The following KANSL3 variants were observed in gnomAD, a reference collection of about 807,000 sequenced individuals.
The protein encoded by KANSL3 is KAT8 regulatory NSL complex subunit 3.
KANSL3 carries 16 observed loss-of-function variants against 89.2 expected under a neutral mutation model. The ratio of observed to expected loss-of-function variants is 0.18; its 90% CI spans 0.12 to 0.27. The LOEUF (loss-of-function observed/expected upper bound fraction) is 0.27, where lower values mean the gene tolerates loss of function less well. KANSL3 is among the 10% of genes least tolerant of loss of function. The pLI is 1.00. For missense variants in KANSL3, 879 were observed against 1,110.6 expected, an observed-to-expected ratio of 0.79 and a Z score of 2.96; for synonymous variants, 385 against 419.7, an observed-to-expected ratio of 0.92 and a Z score of 1.01.
intron 5 of KANSL3, among the ~76,000 whole-genome samples, chr2:96,617,664 G>C (rs1458810935): frequency 6.6e-6 from 1 of 151,732 alleles, no homozygotes; most frequent in Non-Finnish European, 1.5e-5. Flanking sequence ...AATTCAAGAC[G>C]AGCCTATAGC....
chr2:96,581,244 TG>T, the KANSL3 span, among the ~76,000 whole-genome samples: 1 of 152,152 alleles, frequency 6.6e-6, no homozygotes, highest in East Asian at 1.9e-4. Context: ...ACCAACATGG[TG>T]AAACCCCATC....
At chr2:96,612,234 T>C in intron 9 of KANSL3, 48 bp downstream of exon 9, 1 of 1,278,612 alleles carries the variant, frequency 7.8e-7, no homozygotes. Context: ...CTATGATTAG[T>C]GGTATTCCAT....
chr2:96,601,141 G>T, intron 20 of KANSL3: 1 of 271,740 alleles, frequency 3.7e-6, no homozygotes, highest in Non-Finnish European at 5.6e-6. Context: ...GGTGGCGGGC[G>T]CCTGTAATCC....
At chr2:96,605,266 T>C in intron 15 of KANSL3, 54 bp downstream of exon 15, 1 of 1,477,776 alleles carries the variant, frequency 6.8e-7, no homozygotes, top group Non-Finnish European at 9.2e-7. Flanking sequence ...CAAAGGGCAA[T>C]GCTGTGTACC....
chr2:96,586,738 C>T, the KANSL3 span, among the ~76,000 whole-genome samples: 1 of 152,200 alleles, frequency 6.6e-6, no homozygotes, highest in Non-Finnish European at 1.5e-5. Flanking sequence ...GCAATCTTCC[C>T]GAGTAGCCAG....
At chr2:96,591,878 C>T (rs916570218), downstream of KANSL3, among the ~76,000 whole-genome samples, 7 of 152,166 alleles carry the variant, frequency 4.6e-5, no homozygotes, top group Non-Finnish European at 1.0e-4. Context: ...CCGTGAGGCT[C>T]CTTGTCTATA....
At position 96,609,538 on chromosome 2, in the gene KANSL3, T is replaced by G; in HGVS notation, c.1344A>C (p.Ser448=). 1 of 1,613,912 alleles carries G rather than the reference T, an allele frequency of 6.2e-7. No individual in the cohort carries two copies. The highest frequency in any genetic ancestry group is 8.5e-7 in the Non-Finnish European group (1 of 1,179,796). ...NLRISKAKKK[S]EGLTQSMVDR... is the part of the protein sequence containing the mutation. ...CCACCATGCTCTGAGTCAACCCTTCTGATTTCTTCTTTGCTTTGCTTATTC... is the reference window on the plus strand; with the variant it reads ...CCACCATGCTCTGAGTCAACCCTTCGGATTTCTTCTTTGCTTTGCTTATTC... Residue 448 remains serine (S), a synonymous_variant, in exon 12 of 21, where the codon TCA becomes TCC. Transcript: ENST00000431828.
At chr2:96,634,830 C>T (rs2074023430) in intron 2 of KANSL3, among the ~76,000 whole-genome samples, 1 of 152,198 alleles carries the variant, frequency 6.6e-6, no homozygotes, top group African/African-American at 2.4e-5. Flanking sequence ...TAAAAGAGAA[C>T]TCTTGATTTC....
At chr2:96,625,124 C>T (rs2072059799) in intron 3 of KANSL3, among the ~76,000 whole-genome samples, 1 of 152,116 alleles carries the variant, frequency 6.6e-6, no homozygotes. Context: ...AGAGGAGAAT[C>T]GCCTGAACCC....
chr2:96,609,629 C>G (rs1268529305), intron 11 of KANSL3, 67 bp from the exon 12 acceptor site: 36 of 1,417,044 alleles, frequency 2.5e-5, no homozygotes, highest in Admixed American at 1.2e-4. Flanking sequence ...AAAATAAGAA[C>G]GTATTTCTTT....
the KANSL3 span, among the ~76,000 whole-genome samples, chr2:96,583,402 G>A: frequency 2.0e-5 from 3 of 152,166 alleles, no homozygotes; most frequent in East Asian, 1.9e-4. Flanking sequence ...ATTTCCCCCC[G>A]ACGGAAAAAG....
rs1573431217 is a variant in KANSL3, at chr2:96,612,126, T to C, written c.1086+156A>G. The C allele has an allele frequency of 8.0e-6, 5 of 621,452 alleles. No homozygotes were observed. The East Asian group carries it at 1.1e-4, about 14-fold the overall frequency. 38.5% of individuals were successfully genotyped at this position (621,452 alleles called of 1,614,324 possible). On this transcript the variant is annotated intron_variant, in intron 9 of 20. Transcript: ENST00000431828. ...AAAGTTTTCCAAAATAAATTAAAAATTGTTTTAATAAAATTTGTCTTCTAC... is the reference window on the plus strand; with the variant it reads ...AAAGTTTTCCAAAATAAATTAAAAACTGTTTTAATAAAATTTGTCTTCTAC...
chr2:96,587,926 G>A, the KANSL3 span, among the ~76,000 whole-genome samples: 1 of 152,090 alleles, frequency 6.6e-6, no homozygotes, highest in Non-Finnish European at 1.5e-5. Context: ...GAAAGAATCC[G>A]TGAACTTGAA....
chr2:96,612,753 T>C (rs1028701671), intron 7 of KANSL3, 65 bp downstream of exon 7: 49 of 1,356,766 alleles, frequency 3.6e-5, no homozygotes, highest in Non-Finnish European at 4.7e-5. Flanking sequence ...CCACATATTC[T>C]TCTCCTCAAT....
chr2:96,632,830 G>A (rs2073635822), intron 2 of KANSL3, among the ~76,000 whole-genome samples: 1 of 151,780 alleles, frequency 6.6e-6, no homozygotes, highest in South Asian at 2.1e-4. Flanking sequence ...GCCAGCCATG[G>A]TAGCAGGCAT....
At chr2:96,631,233 G>T in intron 3 of KANSL3, 79 bp downstream of exon 3, 1 of 1,015,004 alleles carries the variant, frequency 9.9e-7, no homozygotes. Context: ...ATGAAATAAG[G>T]TCCTAATAAG....
At chr2:96,586,411 A>C in the KANSL3 span, among the ~76,000 whole-genome samples, 2 of 152,142 alleles carry the variant, frequency 1.3e-5, no homozygotes, top group Non-Finnish European at 2.9e-5. Flanking sequence ...CAACTACTGG[A>C]ATCAAATTTA....
chr2:96,600,063 T>C (rs1201080050), intron 20 of KANSL3, among the ~76,000 whole-genome samples: 3 of 152,174 alleles, frequency 2.0e-5, no homozygotes, highest in Non-Finnish European at 4.4e-5. Context: ...CCCAGCTATC[T>C]ACCTAACAGA....
intron 17 of KANSL3, chr2:96,603,575 TGC>T (rs1195172232): frequency 1.3e-5 from 2 of 152,608 alleles, no homozygotes; most frequent in Non-Finnish European, 2.9e-5. Context: ...TGAGTCACCA[TGC>T]CTGGCCAGGA....
Sources: allele counts gnomAD v4.1 joint callset (sites outside exome capture counted in the v4.1 genomes callset), GRCh38; gene constraint gnomAD v4.1.1; transcripts MANE v1.5; gene names NCBI Gene and HGNC (gene_info 2026-07-23, HGNC 2026-07-21).